Variants in MYH10 observed in about 807,000 individuals in gnomAD.
The protein encoded by MYH10 is myosin heavy chain 10.
A neutral mutation model predicts 257.8 loss-of-function variants in MYH10; 55 were observed. The ratio of observed to expected loss-of-function variants is 0.21; its 90% CI spans 0.17 to 0.27. MYH10 has a LOEUF of 0.27. Ranked by LOEUF, MYH10 falls within the 10% of genes least tolerant of loss-of-function variation. The pLI is 1.00. For synonymous variants in MYH10, 854 were observed against 921.7 expected, an observed-to-expected ratio of 0.93 and a Z score of 1.33; for missense variants, 1,631 against 2,500.6, an observed-to-expected ratio of 0.65 and a Z score of 7.42.
intron 6 of MYH10, among the ~76,000 whole-genome samples, chr17:8,574,277 C>A (rs2083434522): frequency 6.6e-6 from 1 of 152,154 alleles, no homozygotes; most frequent in Admixed American, 6.5e-5. Context: ...AAAGAACCGT[C>A]AGGGAGGACC....
rs1291886726 is a variant in MYH10 at position 8,623,208 on chromosome 17, A to G, written c.39T>C (p.Tyr13=). The G allele has an allele frequency of 6.2e-7, 1 of 1,606,126 alleles. No individual in the cohort carries two copies. Among genetic ancestry groups the G allele is most frequent in the Admixed American group, 1.7e-5 (1 of 57,820 alleles). ...QRTGLEDPER[Y]LFVDRAVIYN... ...AGATGACAGCCCTGTCCACAAAGAG[A>G]TACCTCTCTGGATCCTCGAGTCCAG... The change falls in exon 2 of 43, where the codon TAT becomes TAC. Residue 13 remains tyrosine, a synonymous_variant. Transcript: ENST00000360416.
intron 42 of MYH10, among the ~76,000 whole-genome samples, chr17:8,476,489 A>G (rs1912641270): frequency 1.3e-5 from 2 of 152,134 alleles, no homozygotes; most frequent in African/African-American, 2.4e-5. Flanking sequence ...ACTGGTACAG[A>G]GCAGATCCAT....
rs1259077354 is a variant in MYH10, at chr17:8,474,300, T to C, written c.*1504A>G. The stretch of plus-strand genomic sequence containing the variant: ...TAAACAGAGCAGGCGCAAATATCTA[T>C]AATGAATAAATTTATTGTCTTACAA... On this transcript the variant is annotated 3_prime_UTR_variant, in exon 43 of 43. Transcript: ENST00000360416. 4 of 152,622 alleles carry C rather than the reference T, an allele frequency of 2.6e-5. No homozygotes were observed. The highest frequency in any genetic ancestry group is 9.6e-5 in the African/African-American group (4 of 41,452). 9.5% of individuals were successfully genotyped at this position (152,622 alleles called of 1,614,324 possible).
chr17:8,514,579 C>T (rs561007958), intron 21 of MYH10, among the ~76,000 whole-genome samples: 1 of 152,116 alleles, frequency 6.6e-6, no homozygotes, highest in African/African-American at 2.4e-5. Context: ...CTTCACTCTA[C>T]TATTTTTCAA....
chr17:8,491,301 A>T (rs369350195), intron 34 of MYH10, among the ~76,000 whole-genome samples: 1 of 152,236 alleles, frequency 6.6e-6, no homozygotes, highest in Non-Finnish European at 1.5e-5. Context: ...TGGGATCAAC[A>T]TGTGAGTGTT....
At chr17:8,511,577 T>G (rs1347372837) in intron 24 of MYH10, among the ~76,000 whole-genome samples, 1 of 152,182 alleles carries the variant, frequency 6.6e-6, no homozygotes, top group Non-Finnish European at 1.5e-5. Flanking sequence ...AAACTAGGGT[T>G]GTACAAATCA....
chr17:8,609,202 G>C (rs1024692692), intron 2 of MYH10, among the ~76,000 whole-genome samples: 2 of 152,182 alleles, frequency 1.3e-5, no homozygotes, highest in African/African-American at 4.8e-5. Context: ...CAAAGGATTA[G>C]AGAAACAGGA....
chr17:8,529,178 T>C (rs1010678973), intron 17 of MYH10, among the ~76,000 whole-genome samples: 1 of 151,996 alleles, frequency 6.6e-6, no homozygotes, highest in Admixed American at 6.6e-5. Flanking sequence ...ACAGTGGGAA[T>C]GGAAGGCGAA....
intron 7 of MYH10, among the ~76,000 whole-genome samples, chr17:8,567,336 C>T (rs890605098): frequency 1.3e-5 from 2 of 152,196 alleles, no homozygotes; most frequent in Non-Finnish European, 2.9e-5. Flanking sequence ...AAATTAATTA[C>T]TAAATGAACT....
intron 14 of MYH10, 26 bp downstream of exon 14, chr17:8,542,081 G>A (rs1280051018): frequency 1.3e-6 from 2 of 1,584,824 alleles, no homozygotes; most frequent in South Asian, 2.3e-5. Context: ...GAAAATGAAA[G>A]ACAGCGAGCA....
intron 2 of MYH10, among the ~76,000 whole-genome samples, chr17:8,618,944 G>A (rs996112247): frequency 6.6e-6 from 1 of 152,128 alleles, no homozygotes; most frequent in Non-Finnish European, 1.5e-5. Context: ...TGACAGGCTC[G>A]TTTTGTTCAT....
chr17:8,521,742 A>T (rs1482050338), intron 17 of MYH10, among the ~76,000 whole-genome samples: 1 of 152,230 alleles, frequency 6.6e-6, no homozygotes, highest in African/African-American at 2.4e-5. Context: ...GGGACTAGGG[A>T]CCAGAATTCT....
At chr17:8,501,567 CT>C (rs1308841305) in intron 28 of MYH10, among the ~76,000 whole-genome samples, 1 of 152,196 alleles carries the variant, frequency 6.6e-6, no homozygotes, top group Non-Finnish European at 1.5e-5. Flanking sequence ...AAGCAAGACT[CT>C]TAGCGTCCAT....
At chr17:8,492,178 TG>T in intron 34 of MYH10, 118 bp downstream of exon 34, 1 of 972,190 alleles carries the variant, frequency 1.0e-6, no homozygotes, top group Non-Finnish European at 1.5e-6. Context: ...GCTTTGCTGC[TG>T]GGCTGTGCAT....
At chr17:8,585,509 T>G (rs530606068) in intron 4 of MYH10, among the ~76,000 whole-genome samples, 161 of 151,972 alleles carry the variant, frequency 1.1e-3, no homozygotes, top group Non-Finnish European at 1.9e-3. Flanking sequence ...CTGTATTTGG[T>G]GGATCCTCAA....
intron 1 of MYH10, among the ~76,000 whole-genome samples, chr17:8,627,138 A>AT (rs11411169): frequency 0.34 from 50,797 of 150,482 alleles, 10,587 homozygotes; most frequent in African/African-American, 0.61. Context: ...ACACGTGTGT[A>AT]TTTTTTTTTT....
At chr17:8,485,714 C>A (rs1410800714) in intron 36 of MYH10, among the ~76,000 whole-genome samples, 1 of 152,122 alleles carries the variant, frequency 6.6e-6, no homozygotes, top group African/African-American at 2.4e-5. Flanking sequence ...AATTGGAACC[C>A]TCATACATAG....
chr17:8,544,761 A>G (rs1297335837), intron 13 of MYH10, among the ~76,000 whole-genome samples: 1 of 152,218 alleles, frequency 6.6e-6, no homozygotes, highest in Non-Finnish European at 1.5e-5. Flanking sequence ...CACCTCCCTG[A>G]AACACCGTAG....
chr17:8,548,262 G>T, intron 11 of MYH10, 51 bp downstream of exon 11: 1 of 1,425,374 alleles, frequency 7.0e-7, no homozygotes, highest in Non-Finnish European at 9.8e-7. Flanking sequence ...CCTTCTTAGA[G>T]AGCACAACAA....
Sources: gnomAD v4.1 joint callset for allele counts (sites outside exome capture counted in the v4.1 genomes callset) on GRCh38, gnomAD v4.1.1 for gene constraint, MANE v1.5 for transcripts, NCBI Gene and HGNC (gene_info 2026-07-23, HGNC 2026-07-21) for gene names.